The following MAP3K13 variants were observed in gnomAD, a reference collection of about 807,000 sequenced individuals.
MAP3K13 encodes mitogen-activated protein kinase kinase kinase 13.
Under a neutral mutation model 104.0 loss-of-function variants are expected in MAP3K13, and 52 were observed. The ratio of observed to expected loss-of-function variants is 0.50; its 90% CI spans 0.40 to 0.63. MAP3K13 has a LOEUF of 0.63. MAP3K13 is among the 20% of genes least tolerant of loss of function. The pLI is 0.00. For missense variants in MAP3K13, 914 were observed against 1,218.5 expected, an observed-to-expected ratio of 0.75 and a Z score of 3.72; for synonymous variants, 394 against 442.2, an observed-to-expected ratio of 0.89 and a Z score of 1.37.
chr3:185,450,277 T>G lies in MAP3K13; in HGVS notation c.1169+219T>G, dbSNP rs1245081523. On this transcript the variant is annotated intron_variant, in intron 6 of 13. Transcript: ENST00000265026. This position sits in a 1 kb window ranked among gnomAD's most constrained non-coding sequence, Gnocchi z 4.2. Reference sequence around the variant, plus strand: ...ACTGACTCATAGAGTTATTGTGTTGTAATTAATTAAAATTTAGAAATAAAG... The same window carrying G: ...ACTGACTCATAGAGTTATTGTGTTGGAATTAATTAAAATTTAGAAATAAAG... Among the ~76,000 whole-genome samples the G allele has an allele frequency of 6.6e-6, 1 of 152,194 alleles. No individual in the cohort carries two copies. Among genetic ancestry groups the G allele is most frequent in the Non-Finnish European group, 1.5e-5 (1 of 68,036 alleles).
intron 1 of MAP3K13, among the ~76,000 whole-genome samples, chr3:185,284,451 CACACCTGTA>C (rs1482106126): frequency 1.3e-5 from 2 of 152,162 alleles, no homozygotes; most frequent in Non-Finnish European, 2.9e-5. Context: ...CACGGTGGCT[CACACCTGTA>C]ATCCCAGCAC....
At chr3:185,303,051 T>C (rs991141297) in intron 2 of MAP3K13, among the ~76,000 whole-genome samples, 7 of 152,182 alleles carry the variant, frequency 4.6e-5, no homozygotes, top group African/African-American at 1.7e-4. Flanking sequence ...TGAAAGGAGA[T>C]TGAAGTTTAT....
At chr3:185,392,073 G>A (rs1239917093) in intron 1 of MAP3K13, among the ~76,000 whole-genome samples, 3 of 152,128 alleles carry the variant, frequency 2.0e-5, no homozygotes, top group African/African-American at 4.8e-5. Flanking sequence ...GCTATGCCCT[G>A]GGGATGTAGT....
chr3:185,418,710 A>G lies in MAP3K13; in HGVS notation c.-85-9787A>G, dbSNP rs1275796595. 6.2e-7 allele frequency: 1 copy of G among 1,611,044 alleles called. No individual in the cohort carries two copies. The highest frequency in any genetic ancestry group is 1.1e-5 in the South Asian group (1 of 91,000). On this transcript the variant is annotated intron_variant, in intron 1 of 13. Coordinates refer to ENST00000265026, the MANE Select transcript of MAP3K13 (RefSeq NM_004721.5). This position sits in a 1 kb window ranked among gnomAD's most constrained non-coding sequence, Gnocchi z 4.5. ...TAGGAGCCTTGAATACAGCAGGCTAAGTGACATTTTTGCCAGATGACTCCC... is the reference window on the plus strand; with the variant it reads ...TAGGAGCCTTGAATACAGCAGGCTAGGTGACATTTTTGCCAGATGACTCCC...
Position 185,454,286 on chromosome 3 carries a change from T to C in MAP3K13, c.1278+2891T>C, listed in dbSNP as rs1207411537. Among the ~76,000 whole-genome samples, 3 of 111,198 alleles carry C rather than the reference T, an allele frequency of 2.7e-5. 1 individual carries two copies. The highest frequency in any genetic ancestry group is 1.1e-4 in the African/African-American group (3 of 27,510). The allele number at this position is 111,198 out of a possible 152,430, so 73.0% of individuals were successfully genotyped here. A position where few individuals can be genotyped will look rare whatever the true frequency, so the allele number is the denominator to read the frequency against. On this transcript the variant is annotated intron_variant, in intron 7 of 13. Transcript: ENST00000265026. ...TGAGATATATATCATATATATGATA[T>C]ATATGAGATATATATCATATATATA... is the stretch of plus-strand genomic sequence containing the variant.
At chr3:185,419,077 C>T (rs1713976615) in intron 1 of MAP3K13, among the ~76,000 whole-genome samples, 3 of 150,294 alleles carry the variant, frequency 2.0e-5, no homozygotes, top group South Asian at 2.1e-4. Flanking sequence ...AGTGCAGTGG[C>T]GTGATCTTGG....
At chr3:185,324,799 C>T (rs936793328) in intron 2 of MAP3K13, among the ~76,000 whole-genome samples, 6 of 96,726 alleles carry the variant, frequency 6.2e-5, no homozygotes, top group Non-Finnish European at 2.5e-5. Context: ...CACTAAGAAC[C>T]GGCACAATTA....
At chr3:185,455,129 TATATATATGATATATATGTGAG>T (rs1434245759) in intron 7 of MAP3K13, among the ~76,000 whole-genome samples, 12 of 113,604 alleles carry the variant, frequency 1.1e-4, no homozygotes, top group Non-Finnish European at 1.4e-4. Flanking sequence ...ATATGTGAGA[TATATATATGATATATATGTGAG>T]ATATATATGA....
upstream of MAP3K13, among the ~76,000 whole-genome samples, chr3:185,359,151 T>C (rs1723497526): frequency 6.6e-6 from 1 of 152,146 alleles, no homozygotes; most frequent in South Asian, 2.1e-4. Context: ...CTCGCAATTA[T>C]GGTGGAAGGC....
intron 3 of MAP3K13, among the ~76,000 whole-genome samples, chr3:185,441,175 T>G (rs1383330404): frequency 2.0e-5 from 3 of 152,180 alleles, no homozygotes; most frequent in African/African-American, 7.2e-5. Flanking sequence ...GAGCCTTCCT[T>G]GTAAAAATGG....
chr3:185,378,881 T>C (rs1217180147), intron 1 of MAP3K13, among the ~76,000 whole-genome samples: 3 of 152,026 alleles, frequency 2.0e-5, no homozygotes, highest in Non-Finnish European at 4.4e-5. Flanking sequence ...TTTAGAACCA[T>C]TGTCGTGTTT....
intron 2 of MAP3K13, among the ~76,000 whole-genome samples, chr3:185,303,805 A>G (rs906848681): frequency 6.6e-6 from 1 of 150,860 alleles, no homozygotes; most frequent in African/African-American, 2.4e-5. Flanking sequence ...TTATTTTTCT[A>G]TCCTCTATTT....
chr3:185,335,708 T>A (rs934231214), intron 2 of MAP3K13, among the ~76,000 whole-genome samples: 5 of 152,322 alleles, frequency 3.3e-5, no homozygotes, highest in Middle Eastern at 6.8e-3. Context: ...TTATAATACC[T>A]AATGCAATGT....
intron 2 of MAP3K13, among the ~76,000 whole-genome samples, chr3:185,346,803 C>T (rs1452089769): frequency 6.6e-6 from 1 of 151,938 alleles, no homozygotes; most frequent in Admixed American, 6.6e-5. Flanking sequence ...TTTGCCTTAC[C>T]CTTTCCAAAG....
chr3:185,306,250 T>G (rs1721286371), intron 2 of MAP3K13, among the ~76,000 whole-genome samples: 1 of 152,190 alleles, frequency 6.6e-6, no homozygotes, highest in African/African-American at 2.4e-5. Context: ...CATGAGTGCA[T>G]GTGTCTTTTT....
chr3:185,410,845 G>C (rs1282409910), intron 1 of MAP3K13, among the ~76,000 whole-genome samples: 1 of 151,030 alleles, frequency 6.6e-6, no homozygotes, highest in African/African-American at 2.4e-5. Context: ...TGAGGCAGGA[G>C]AATCGCTTGA....
intron 2 of MAP3K13, among the ~76,000 whole-genome samples, chr3:185,339,427 A>G (rs1242979730): frequency 2.6e-5 from 4 of 152,244 alleles, no homozygotes; most frequent in East Asian, 1.9e-4. Flanking sequence ...AGCAGCATCA[A>G]TATTACCTGG....
At chr3:185,291,562 A>C (rs949027664) in intron 2 of MAP3K13, 2 of 1,474,994 alleles carry the variant, frequency 1.4e-6, no homozygotes, top group Non-Finnish European at 1.8e-6. Context: ...TCCCTTAAAA[A>C]AATTATTAGA....
intron 1 of MAP3K13, among the ~76,000 whole-genome samples, chr3:185,384,024 T>A (rs940690472): frequency 6.6e-6 from 1 of 152,220 alleles, no homozygotes; most frequent in Admixed American, 6.5e-5. Context: ...CCTACTGTGC[T>A]ATCAAACACT....
Sources: gnomAD v4.1 joint callset for allele counts (sites outside exome capture counted in the v4.1 genomes callset) on GRCh38, gnomAD v4.1.1 for gene constraint, Gnocchi (gnomAD v3.1) non-coding constraint, MANE v1.5 for transcripts, NCBI Gene and HGNC (gene_info 2026-07-23, HGNC 2026-07-21) for gene names.